The following AFDN variants were observed in gnomAD, a reference collection of about 807,000 sequenced individuals.
The protein encoded by AFDN is afadin.
A neutral mutation model predicts 216.6 loss-of-function variants in AFDN; 68 were observed. The observed-to-expected ratio is 0.31, with a 90% CI of 0.26 to 0.38. AFDN has a LOEUF of 0.38. AFDN is among the 10% of genes least tolerant of loss of function. The probability of loss-of-function intolerance (pLI) is 1.00; values close to 1 mark genes in which losing one functional copy is unlikely to be tolerated. For synonymous variants in AFDN, 868 were observed against 853.7 expected, an observed-to-expected ratio of 1.02 and a Z score of -0.29; for missense variants, 2,136 against 2,342.0, an observed-to-expected ratio of 0.91 and a Z score of 1.82.
chr6:167,924,814 C>A (rs1366033715), intron 22 of AFDN, 191 bp from the exon 23 acceptor site: 1 of 611,798 alleles, frequency 1.6e-6, no homozygotes, highest in Non-Finnish European at 3.0e-6. Flanking sequence ...TCAAGAATAT[C>A]GATTTAGTTT....
chr6:167,874,387 T>A (rs1413103298), intron 4 of AFDN, among the ~76,000 whole-genome samples: 1 of 152,146 alleles, frequency 6.6e-6, no homozygotes, highest in East Asian at 1.9e-4. Context: ...TGATGAAAAA[T>A]TGTGTCTTTA....
At chr6:167,852,779 T>C (rs1404397782) in intron 1 of AFDN, among the ~76,000 whole-genome samples, 1 of 152,138 alleles carries the variant, frequency 6.6e-6, no homozygotes, top group African/African-American at 2.4e-5. Context: ...TCATTTTTCT[T>C]TGGTATAATG....
At chr6:167,942,391 A>G (rs1794801561) in intron 23 of AFDN, among the ~76,000 whole-genome samples, 1 of 152,212 alleles carries the variant, frequency 6.6e-6, no homozygotes, top group South Asian at 2.1e-4. Flanking sequence ...TCAGTTGTAT[A>G]ACCTTGTCCA....
chr6:167,914,884 T>G (rs1790846595), intron 18 of AFDN, 146 bp downstream of exon 18: 1 of 682,310 alleles, frequency 1.5e-6, no homozygotes, highest in Admixed American at 2.9e-5. Flanking sequence ...ATTTTAACGA[T>G]TATTTGTTTT....
rs1785945111 is a variant in AFDN at position 167,880,239 on chromosome 6, GTCT to G, written c.740-119_740-117del. ...TGAAACAATAGTTATTAGGCAGATT[GTCT>G]TTACACTCATTTTAGCTAGAATGCA... is the stretch of plus-strand genomic sequence containing the variant. On this transcript the variant is annotated intron_variant, in intron 5 of 33. Transcript: ENST00000683244. 6 of 852,354 alleles carry G rather than the reference GTCT, an allele frequency of 7.0e-6. No individual in the cohort carries two copies. In the East Asian group the frequency reaches 1.5e-4, roughly 21 times the overall value. The allele number at this position is 852,354 out of a possible 1,614,324, so 52.8% of individuals were successfully genotyped here.
At chr6:167,912,861 T>A (rs980720647) in intron 15 of AFDN, among the ~76,000 whole-genome samples, 1 of 152,310 alleles carries the variant, frequency 6.6e-6, no homozygotes, top group Non-Finnish European at 1.5e-5. Context: ...TAATTTAAAT[T>A]CTATTTTCAA....
intron 3 of AFDN, 60 bp downstream of exon 3, chr6:167,870,558 A>G: frequency 1.0e-6 from 1 of 958,312 alleles, no homozygotes; most frequent in Non-Finnish European, 1.6e-6. Flanking sequence ...ACTGATAAAC[A>G]GGAGACTGAT....
rs146592283 is a variant in AFDN, at chr6:167,907,343, A to G, written c.1769+54A>G. On this transcript the variant is annotated intron_variant, in intron 13 of 33. Coordinates refer to ENST00000683244, the MANE Select transcript of AFDN (RefSeq NM_001386888.1). Reference sequence around the variant, plus strand: ...AAAGTACTGAAAGTATTCCTAAAAAAGGGTTGGGATAAAGATTGTTGAATT... The same window carrying G: ...AAAGTACTGAAAGTATTCCTAAAAAGGGGTTGGGATAAAGATTGTTGAATT... 1,671 of 1,385,234 alleles carry G rather than the reference A, an allele frequency of 1.2e-3. 2 individuals carry two copies. Among genetic ancestry groups the G allele is most frequent in the Middle Eastern group, 8.8e-3 (49 of 5,596 alleles). 85.8% of individuals were successfully genotyped at this position (1,385,234 alleles called of 1,614,324 possible). A position where few individuals can be genotyped will look rare whatever the true frequency, so the allele number is the denominator to read the frequency against.
At chr6:167,963,117 A>G (rs78439706) in intron 31 of AFDN, 32,659 of 1,064,598 alleles carry the variant, frequency 0.031, 496 homozygotes, top group African/African-American at 0.042. Context: ...ATTTATTTTC[A>G]TGTGTGTGTG....
chr6:167,961,088 AAATC>A (rs1796991062), intron 30 of AFDN, among the ~76,000 whole-genome samples: 1 of 152,174 alleles, frequency 6.6e-6, no homozygotes, highest in South Asian at 2.1e-4. Flanking sequence ...AATACATACA[AAATC>A]AATTCAAATT....
chr6:167,863,615 C>T (rs1783830696), intron 1 of AFDN, among the ~76,000 whole-genome samples: 1 of 152,174 alleles, frequency 6.6e-6, no homozygotes, highest in Non-Finnish European at 1.5e-5. Context: ...TTGCTTGAGA[C>T]AGTAAAAGTG....
intron 1 of AFDN, among the ~76,000 whole-genome samples, chr6:167,859,207 A>G (rs950469962): frequency 1.3e-5 from 2 of 152,126 alleles, no homozygotes; most frequent in African/African-American, 2.4e-5. Flanking sequence ...TGTTCATAGA[A>G]AAGATTTCAA....
intron 12 of AFDN, 107 bp downstream of exon 12, chr6:167,902,493 C>A: frequency 2.6e-6 from 2 of 766,866 alleles, no homozygotes; most frequent in Non-Finnish European, 2.2e-6. Context: ...GGGATGTGTT[C>A]CAAGACCACC....
At chr6:167,852,482 G>T (rs959494981) in intron 1 of AFDN, among the ~76,000 whole-genome samples, 1 of 152,166 alleles carries the variant, frequency 6.6e-6, no homozygotes. Flanking sequence ...TATAAGCAGT[G>T]CTGTGTATTT....
At chr6:167,943,368 C>T (rs369306961) in intron 24 of AFDN, 34 bp from the exon 25 acceptor site, 5 of 1,598,404 alleles carry the variant, frequency 3.1e-6, no homozygotes, top group Non-Finnish European at 4.3e-6. Context: ...GCTCTCTACC[C>T]CTAATCCATG....
rs531141362 is a variant in AFDN, at chr6:167,829,502, T to A, written c.105+2265T>A. ...CTCTATTTGGCCATCACAAGTCCAA[T>A]TTTTTAGTTTTCTGCAAGAACAGAA... On this transcript the variant is annotated intron_variant, in intron 1 of 33. Transcript: ENST00000683244. Among the ~76,000 whole-genome samples the A allele has an allele frequency of 2.8e-4, 43 of 152,224 alleles. No homozygotes were observed. In the East Asian group the frequency reaches 8.1e-3, roughly 29 times the overall value.
chr6:167,864,727 T>C lies in AFDN; in HGVS notation c.282T>C (p.Tyr94=). Residue 94 remains tyrosine, a synonymous_variant, in exon 2 of 34, where the codon TAT becomes TAC. Coordinates refer to ENST00000683244, the MANE Select transcript of AFDN (RefSeq NM_001386888.1). ...TGTCCTCTCCCAAGTATTCACTCTA[T>C]GAAGTGCATGTCAGCGGAGGTCAGT... ...RMLSSPKYSL[Y]EVHVSGERRL... is the part of the protein sequence containing the mutation. The C allele has an allele frequency of 1.2e-6, 2 of 1,614,148 alleles. No homozygotes were observed. Among genetic ancestry groups the C allele is most frequent in the Non-Finnish European group, 1.7e-6 (2 of 1,180,018 alleles).
intron 9 of AFDN, 69 bp downstream of exon 9, chr6:167,893,975 G>T: frequency 1.7e-6 from 2 of 1,157,456 alleles, no homozygotes; most frequent in Non-Finnish European, 1.3e-6. Context: ...GAATAGTGTT[G>T]AATGACCAAA....
chr6:167,850,942 G>A (rs776866804), intron 1 of AFDN, among the ~76,000 whole-genome samples: 2 of 151,814 alleles, frequency 1.3e-5, no homozygotes, highest in Non-Finnish European at 2.9e-5. Context: ...AGCCGATCTC[G>A]GCTCATTGCA....
Sources: allele counts gnomAD v4.1 joint callset (sites outside exome capture counted in the v4.1 genomes callset), GRCh38; gene constraint gnomAD v4.1.1; transcripts MANE v1.5; gene names NCBI Gene and HGNC (gene_info 2026-07-23, HGNC 2026-07-21).